Variants in FAM83A observed in about 807,000 individuals in gnomAD.
FAM83A encodes scaffolding CK1 anchoring protein A.
Under a neutral mutation model 24.4 loss-of-function variants are expected in FAM83A, and 21 were observed. The observed-to-expected ratio is 0.86, with a 90% CI of 0.61 to 1.24. The LOEUF (loss-of-function observed/expected upper bound fraction) is 1.24. Among genes scored for constraint, FAM83A ranks in the 50% most tolerant of loss-of-function variants. The probability of loss-of-function intolerance (pLI) is 0.00; values close to 1 mark genes in which losing one functional copy is unlikely to be tolerated. For synonymous variants in FAM83A, 270 were observed against 252.4 expected (o/e 1.07, Z -0.66); for missense variants, 617 against 579.8 (o/e 1.06, Z -0.66).
exon 1 of FAM83A, chr8:123,183,213 C>T (rs1465887610): frequency 3.1e-6 from 5 of 1,613,508 alleles, no homozygotes; most frequent in South Asian, 2.2e-5. Flanking sequence ...CCCTACTGCA[C>T]AGCTGGGCCT....
intron 3 of FAM83A, among the ~76,000 whole-genome samples, chr8:123,199,128 C>T (rs886587464): frequency 3.3e-5 from 5 of 152,128 alleles, no homozygotes; most frequent in African/African-American, 9.7e-5. Context: ...TAACGCACTC[C>T]ATTTGTATTA....
intron 3 of FAM83A, among the ~76,000 whole-genome samples, chr8:123,205,809 G>T (rs753021508): frequency 6.6e-6 from 1 of 152,114 alleles, no homozygotes; most frequent in Non-Finnish European, 1.5e-5. Flanking sequence ...GGGGAGAAAC[G>T]AAAGGAGTTT....
chr8:123,185,767 T>A (rs897999790), intron 1 of FAM83A, among the ~76,000 whole-genome samples: 1 of 152,152 alleles, frequency 6.6e-6, no homozygotes, highest in Non-Finnish European at 1.5e-5. Context: ...CTATTAATAA[T>A]AAAGAACTAT....
exon 1 of FAM83A, chr8:123,183,298 A>C: frequency 2.5e-6 from 4 of 1,613,066 alleles, no homozygotes; most frequent in Non-Finnish European, 3.4e-6. Flanking sequence ...CAACAACATC[A>C]GAGACCTCGT....
chr8:123,208,130 A>G, exon 4 of FAM83A: 2 of 998,468 alleles, frequency 2.0e-6, no homozygotes, highest in Non-Finnish European at 2.4e-6. Flanking sequence ...TCCACTCCCA[A>G]GAAATTCAGG....
chr8:123,192,023 A>T (rs1824000565), intron 2 of FAM83A, 53 bp downstream of exon 2: 3 of 1,575,272 alleles, frequency 1.9e-6, no homozygotes, highest in Non-Finnish European at 2.6e-6. Flanking sequence ...CAGATAGGAT[A>T]GTCTATGCAA....
chr8:123,199,765 C>G (rs999608711), intron 3 of FAM83A: 1 of 152,926 alleles, frequency 6.5e-6, no homozygotes, highest in African/African-American at 2.4e-5. Flanking sequence ...AAGAAAAGAG[C>G]TATTATTATG....
At chr8:123,192,593 A>T (rs187655235) in intron 2 of FAM83A, among the ~76,000 whole-genome samples, 78 of 152,318 alleles carry the variant, frequency 5.1e-4, no homozygotes, top group African/African-American at 1.6e-3. Flanking sequence ...AGCTTTCATG[A>T]GTAGGCCTGG....
At chr8:123,204,074 A>G (rs1158730104) in intron 3 of FAM83A, among the ~76,000 whole-genome samples, 1 of 152,110 alleles carries the variant, frequency 6.6e-6, no homozygotes, top group African/African-American at 2.4e-5. Flanking sequence ...GTCCTGGGAA[A>G]GGGATGCAAG....
At chr8:123,200,944 TCAAA>T (rs1398864796) in intron 3 of FAM83A, among the ~76,000 whole-genome samples, 4 of 136,624 alleles carry the variant, frequency 2.9e-5, no homozygotes, top group Non-Finnish European at 6.2e-5. Context: ...AGACTCTGTC[TCAAA>T]CAAATAAACA....
intron 2 of FAM83A, 131 bp downstream of exon 2, chr8:123,192,101 A>G: frequency 9.6e-7 from 1 of 1,039,992 alleles, no homozygotes. Context: ...TTGCTCAAAC[A>G]AACTCCTATG....
In FAM83A at chr8:123,208,620, T is replaced by C. The variant is rs113597854; in HGVS notation, c.*932T>C. On this transcript the variant is annotated 3_prime_UTR_variant, in exon 4 of 4. Coordinates refer to ENST00000690554, the Ensembl canonical transcript of FAM83A. ...TCATTCATTTCTTCTCAATTCACAG[T>C]GCCCCTCTTTGTTTCTGGGGTGGAA... 644 of 985,544 alleles carry C rather than the reference T, an allele frequency of 6.5e-4. 6 individuals carry two copies. In the African/African-American group the frequency reaches 0.01, roughly 15 times the overall value. The allele number at this position is 985,544 out of a possible 1,614,324, so 61.0% of individuals were successfully genotyped here.
Position 123,209,261 on chromosome 8 carries a change from T to G in FAM83A, c.*1573T>G, listed in dbSNP as rs1043767039. ...CTTCCTCCTGGTGGCCTCTGACCCC[T>G]GACGGCCTGTGGCATCCTCCCTAGT... On this transcript the variant is annotated 3_prime_UTR_variant, in exon 4 of 4. Coordinates refer to ENST00000690554, the Ensembl canonical transcript of FAM83A. The surrounding 1 kb of genome is among the most constrained non-coding windows in gnomAD (Gnocchi z 4.7). The G allele has an allele frequency of 2.5e-5, 32 of 1,282,394 alleles. No individual in the cohort carries two copies. In the South Asian group the frequency reaches 2.9e-4, roughly 11 times the overall value. The allele number at this position is 1,282,394 out of a possible 1,614,324, so 79.4% of individuals were successfully genotyped here. A position where few individuals can be genotyped will look rare whatever the true frequency, so the allele number is the denominator to read the frequency against.
intron 1 of FAM83A, among the ~76,000 whole-genome samples, chr8:123,191,571 T>C (rs143087629): frequency 5.4e-4 from 82 of 152,226 alleles, no homozygotes; most frequent in Admixed American, 2.2e-3. Flanking sequence ...GGCCAACAGA[T>C]AGGTGGTGGG....
At chr8:123,197,122 C>T (rs988499437) in intron 3 of FAM83A, among the ~76,000 whole-genome samples, 2 of 152,148 alleles carry the variant, frequency 1.3e-5, no homozygotes, top group Non-Finnish European at 2.9e-5. Flanking sequence ...GCAGGGGTGG[C>T]AGAAGGGAAC....
rs201382129 is a variant in FAM83A, at chr8:123,200,969, AT to A, written c.774-6187del. 2.0e-3 allele frequency among the ~76,000 whole-genome samples: 253 copies of A among 127,352 alleles called. 1 individual carries two copies. The highest frequency in any genetic ancestry group is 5.2e-3 in the African/African-American group (169 of 32,402). The allele number at this position is 127,352 out of a possible 152,430, so 83.5% of individuals were successfully genotyped here. A position where few individuals can be genotyped will look rare whatever the true frequency, so the allele number is the denominator to read the frequency against. On this transcript the variant is annotated intron_variant, in intron 3 of 3. Coordinates refer to ENST00000690554, the Ensembl canonical transcript of FAM83A. ...TCAAACAAATAAACAAAAAAAAAAA[AT>A]ATATATATATATATACACATATATA...
At chr8:123,179,581 A>G (rs1408837023), upstream of FAM83A, 2 of 152,256 alleles carry the variant, frequency 1.3e-5, no homozygotes, top group Non-Finnish European at 2.9e-5. Context: ...CCTATGATCA[A>G]CTAGTAATGT....
intron 3 of FAM83A, among the ~76,000 whole-genome samples, chr8:123,200,163 A>G (rs1776354518): frequency 6.6e-6 from 1 of 151,138 alleles, no homozygotes; most frequent in Non-Finnish European, 1.5e-5. Context: ...GCAACTCACT[A>G]CAGAGACAGC....
At chr8:123,207,972 C>G in exon 4 of FAM83A, 1 of 1,211,888 alleles carries the variant, frequency 8.3e-7, no homozygotes, top group Non-Finnish European at 1.0e-6. Flanking sequence ...TCCCTGTCTT[C>G]CAGAGATCAT....
Sources: allele counts gnomAD v4.1 joint callset (sites outside exome capture counted in the v4.1 genomes callset), GRCh38; gene constraint gnomAD v4.1.1; non-coding constraint Gnocchi (gnomAD v3.1); transcripts MANE v1.5; gene names NCBI Gene and HGNC (gene_info 2026-07-23, HGNC 2026-07-21).